The following MACROD2 variants were observed in gnomAD, a reference collection of about 807,000 sequenced individuals.
MACROD2 encodes the protein mono-ADP ribosylhydrolase 2.
A neutral mutation model predicts 70.4 loss-of-function variants in MACROD2; 36 were observed. That is an observed-to-expected ratio of 0.51 (90% confidence interval 0.39 to 0.68). The LOEUF (loss-of-function observed/expected upper bound fraction) is 0.68, where lower values mean the gene tolerates loss of function less well. Ranked by LOEUF, MACROD2 falls within the 30% of genes least tolerant of loss-of-function variation. The pLI is 0.00. For missense variants in MACROD2, 496 were observed against 538.4 expected (o/e 0.92, Z 0.78); for synonymous variants, 172 against 178.8 (o/e 0.96, Z 0.30).
intron 5 of MACROD2, among the ~76,000 whole-genome samples, chr20:14,957,533 G>A (rs1452630204): frequency 6.6e-6 from 1 of 152,092 alleles, no homozygotes; most frequent in East Asian, 1.9e-4. Context: ...AGTCATAGAT[G>A]GCAAAATAGC....
chr20:15,819,630 G>T (rs2063917889), intron 8 of MACROD2, among the ~76,000 whole-genome samples: 1 of 151,372 alleles, frequency 6.6e-6, no homozygotes, highest in Non-Finnish European at 1.5e-5. Flanking sequence ...AAATAGATGG[G>T]CATGAAGGAC....
At chr20:14,846,241 C>T (rs1433134410) in intron 5 of MACROD2, among the ~76,000 whole-genome samples, 6 of 152,018 alleles carry the variant, frequency 3.9e-5, no homozygotes, top group South Asian at 4.1e-4. Context: ...TTTTTTGAGA[C>T]GGAGTCTCGC....
chr20:15,826,032 A>G (rs758126753), intron 8 of MACROD2, among the ~76,000 whole-genome samples: 2 of 152,228 alleles, frequency 1.3e-5, no homozygotes, highest in Non-Finnish European at 2.9e-5. Flanking sequence ...AACCTATTCC[A>G]GTGGAAACAA....
intron 6 of MACROD2, among the ~76,000 whole-genome samples, chr20:15,282,735 G>A (rs973499845): frequency 1.4e-4 from 22 of 152,108 alleles, no homozygotes. Flanking sequence ...ACATCTTCCT[G>A]TCTTCTTCTG....
At chr20:14,733,225 A>T (rs1297972921) in intron 5 of MACROD2, among the ~76,000 whole-genome samples, 1 of 152,180 alleles carries the variant, frequency 6.6e-6, no homozygotes, top group Non-Finnish European at 1.5e-5. Flanking sequence ...TATGAAATTC[A>T]TAGTGTTTAT....
intron 4 of MACROD2, among the ~76,000 whole-genome samples, chr20:14,494,722 T>G (rs142115505): frequency 4.6e-5 from 7 of 152,312 alleles, no homozygotes; most frequent in Middle Eastern, 3.4e-3. Context: ...GATTCATAAA[T>G]GTCTATTTCT....
At chr20:15,724,170 T>C (rs2050827988) in intron 8 of MACROD2, among the ~76,000 whole-genome samples, 1 of 152,240 alleles carries the variant, frequency 6.6e-6, no homozygotes, top group Non-Finnish European at 1.5e-5. Flanking sequence ...TTTTGGATGA[T>C]AGTCCTTTAT....
At chr20:15,415,060 T>G (rs980047228) in intron 6 of MACROD2, among the ~76,000 whole-genome samples, 2 of 152,164 alleles carry the variant, frequency 1.3e-5, no homozygotes, top group African/African-American at 4.8e-5. Flanking sequence ...AGGGGAGCCA[T>G]GTATGGTGCA....
intron 2 of MACROD2, among the ~76,000 whole-genome samples, chr20:14,064,424 A>G (rs2053730642): frequency 6.6e-6 from 1 of 152,132 alleles, no homozygotes; most frequent in African/African-American, 2.4e-5. Context: ...GGAAATTAAT[A>G]TGTAACATAT....
At chr20:15,693,829 C>G (rs2050328617) in intron 8 of MACROD2, among the ~76,000 whole-genome samples, 2 of 152,138 alleles carry the variant, frequency 1.3e-5, no homozygotes, top group African/African-American at 4.8e-5. Flanking sequence ...GCAGTACACA[C>G]TCTACCATAT....
intron 5 of MACROD2, among the ~76,000 whole-genome samples, chr20:14,864,404 T>C (rs1362888082): frequency 6.6e-6 from 1 of 152,146 alleles, no homozygotes; most frequent in Non-Finnish European, 1.5e-5. Context: ...TAGCTTTATA[T>C]GGATTTATAA....
chr20:15,023,237 C>A (rs895041692), intron 5 of MACROD2, among the ~76,000 whole-genome samples: 1 of 152,146 alleles, frequency 6.6e-6, no homozygotes, highest in Non-Finnish European at 1.5e-5. Flanking sequence ...CACTTAGAGC[C>A]TCTATAACTG....
rs377207705 is a variant in MACROD2, at chr20:14,083,121, TAAAA to T, written c.164-2484_164-2481del. ...GCTGAAATAATATTTGTCACCTTTG[TAAAA>T]AAAAAAAAAAAAAAAGGTAGTTTTG... On this transcript the variant is annotated intron_variant, in intron 2 of 17. Coordinates refer to ENST00000684519, the MANE Select transcript of MACROD2 (RefSeq NM_001351661.2). 1.3e-4 allele frequency among the ~76,000 whole-genome samples: 18 copies of T among 136,468 alleles called. No individual in the cohort carries two copies. The East Asian group carries it at 1.9e-3, about 14-fold the overall frequency. 89.5% of individuals were successfully genotyped at this position (136,468 alleles called of 152,430 possible).
intron 8 of MACROD2, among the ~76,000 whole-genome samples, chr20:15,570,430 G>A (rs1186067704): frequency 6.6e-6 from 1 of 152,106 alleles, no homozygotes; most frequent in Non-Finnish European, 1.5e-5. Context: ...GATGGGGGAC[G>A]GAGAATAGAA....
intron 6 of MACROD2, among the ~76,000 whole-genome samples, chr20:15,410,853 A>T (rs1600372957): frequency 6.6e-6 from 1 of 152,296 alleles, no homozygotes; most frequent in Middle Eastern, 3.4e-3. Flanking sequence ...TCAACATATG[A>T]TCATGAGACC....
At chr20:14,606,642 T>C (rs1600447259) in intron 4 of MACROD2, among the ~76,000 whole-genome samples, 1 of 152,156 alleles carries the variant, frequency 6.6e-6, no homozygotes, top group Non-Finnish European at 1.5e-5. Flanking sequence ...GGCCTACTGT[T>C]TTCAATACGT....
At chr20:15,916,518 T>C (rs1051962170) in intron 10 of MACROD2, among the ~76,000 whole-genome samples, 1 of 152,346 alleles carries the variant, frequency 6.6e-6, no homozygotes, top group Admixed American at 6.5e-5. Context: ...TTTGTGGGCA[T>C]ATTTTTAAAA....
At chr20:14,891,744 T>A (rs1016267469) in intron 5 of MACROD2, among the ~76,000 whole-genome samples, 11 of 152,100 alleles carry the variant, frequency 7.2e-5, no homozygotes, top group African/African-American at 2.7e-4. Flanking sequence ...GAGATGTATT[T>A]GAGAAATTCA....
chr20:15,990,279 A>G (rs1417790640), intron 15 of MACROD2, among the ~76,000 whole-genome samples: 1 of 152,192 alleles, frequency 6.6e-6, no homozygotes, highest in Non-Finnish European at 1.5e-5. Context: ...ATATTATAGA[A>G]GATCTCCTCT....
Sources: allele counts gnomAD v4.1 joint callset (sites outside exome capture counted in the v4.1 genomes callset), GRCh38; gene constraint gnomAD v4.1.1; transcripts MANE v1.5; gene names NCBI Gene and HGNC (gene_info 2026-07-23, HGNC 2026-07-21).